The following XPO4 variants were observed in gnomAD, a reference collection of about 807,000 sequenced individuals.
XPO4 encodes exportin-4.
Under a neutral mutation model 143.0 loss-of-function variants are expected in XPO4, and 39 were observed. The observed-to-expected ratio is 0.27, with a 90% CI of 0.21 to 0.36. XPO4 has a LOEUF of 0.36. Ranked by LOEUF, XPO4 falls within the 10% of genes least tolerant of loss-of-function variation. XPO4 has a pLI of 1.00. For synonymous variants in XPO4, 439 were observed against 474.0 expected, an observed-to-expected ratio of 0.93 and a Z score of 0.96; for missense variants, 907 against 1,348.0, an observed-to-expected ratio of 0.67 and a Z score of 5.12.
chr13:20,802,586 C>A (rs960806014), intron 13 of XPO4, among the ~76,000 whole-genome samples: 3 of 152,266 alleles, frequency 2.0e-5, no homozygotes, highest in Admixed American at 6.5e-5. Context: ...GTTACATTAA[C>A]ACTTTAAATT....
chr13:20,886,180 C>G (rs1024666577), intron 1 of XPO4, among the ~76,000 whole-genome samples: 36 of 152,150 alleles, frequency 2.4e-4, no homozygotes, highest in African/African-American at 8.0e-4. Context: ...AAGGCATATC[C>G]AAACAAATTT....
chr13:20,829,355 T>G (rs2059824471), intron 6 of XPO4, among the ~76,000 whole-genome samples: 1 of 152,208 alleles, frequency 6.6e-6, no homozygotes, highest in Admixed American at 6.5e-5. Flanking sequence ...ACAAATGAAA[T>G]ATAACTAGGA....
chr13:20,856,253 T>C (rs2060142653), intron 3 of XPO4: 1 of 842,538 alleles, frequency 1.2e-6, no homozygotes, highest in South Asian at 5.4e-5. Context: ...CATTTCCCTT[T>C]AATGTGAAAA....
chr13:20,816,544 T>C (rs2059653436), intron 9 of XPO4, among the ~76,000 whole-genome samples: 1 of 152,220 alleles, frequency 6.6e-6, no homozygotes, highest in South Asian at 2.1e-4. Flanking sequence ...GAGAAATGGA[T>C]TTAGTAGACA....
intron 1 of XPO4, among the ~76,000 whole-genome samples, chr13:20,881,272 T>TA (rs2138158212): frequency 6.6e-6 from 1 of 152,014 alleles, no homozygotes; most frequent in East Asian, 1.9e-4. Context: ...AATTTTACAA[T>TA]AATTTTTTTT....
chr13:20,789,784 A>G (rs1020721760), intron 19 of XPO4, among the ~76,000 whole-genome samples: 8 of 151,956 alleles, frequency 5.3e-5, no homozygotes, highest in Admixed American at 5.2e-4. Flanking sequence ...ATGCATGCAC[A>G]TGTGCACATA....
rs2141465103 is a variant in XPO4 at position 20,783,318 on chromosome 13, GATTTTGAGAAACACTGCCTAGC to G, written c.*382_*403del. 5.3e-6 allele frequency: 1 copy of G among 188,434 alleles called. No individual in the cohort carries two copies. The highest frequency in any genetic ancestry group is 2.4e-5 in the African/African-American group (1 of 42,018). 11.7% of individuals were successfully genotyped at this position (188,434 alleles called of 1,614,324 possible). On this transcript the variant is annotated 3_prime_UTR_variant, in exon 23 of 23. Transcript: ENST00000255305. ...TCAAGTGATGCAGGCGATCTATGGA[GATTTTGAGAAACACTGCCTAGC>G]ATATATCCATTTCATATTTAATGAC...
rs1428740979 is a variant in XPO4 at position 20,891,121 on chromosome 13, TTAAA to T, written c.69+11545_69+11548del. 9.8e-4 allele frequency among the ~76,000 whole-genome samples: 84 copies of T among 86,030 alleles called. 2 individuals are homozygous for T. Among genetic ancestry groups the T allele is most frequent in the African/African-American group, 3.8e-3 (81 of 21,090 alleles). 56.4% of individuals were successfully genotyped at this position (86,030 alleles called of 152,430 possible). On this transcript the variant is annotated intron_variant, in intron 1 of 22. Coordinates refer to ENST00000255305, the MANE Select transcript of XPO4 (RefSeq NM_022459.5). Reference sequence around the variant, plus strand: ...AACAAGAGCAAAACTCCATCTCAATTTAAAAAAAAAAAAAAAAAAAAAAAAAAAA... The same window carrying T: ...AACAAGAGCAAAACTCCATCTCAATTAAAAAAAAAAAAAAAAAAAAAAAAA...
At chr13:20,881,512 C>T (rs2060409844) in intron 1 of XPO4, among the ~76,000 whole-genome samples, 3 of 152,122 alleles carry the variant, frequency 2.0e-5, no homozygotes, top group South Asian at 2.1e-4. Context: ...CCTCATGATC[C>T]CCCCGCCTCA....
chr13:20,808,092 AT>A (rs2059530721), intron 12 of XPO4, among the ~76,000 whole-genome samples: 1 of 152,200 alleles, frequency 6.6e-6, no homozygotes, highest in African/African-American at 2.4e-5. Flanking sequence ...CTAAAAATTA[AT>A]AGCAGTGTGA....
At chr13:20,880,038 C>T (rs187892943) in intron 1 of XPO4, among the ~76,000 whole-genome samples, 34 of 152,312 alleles carry the variant, frequency 2.2e-4, no homozygotes, top group African/African-American at 7.5e-4. Flanking sequence ...TCCATGAGAA[C>T]AGACATATTA....
chr13:20,870,055 G>A lies in XPO4; in HGVS notation c.70-1354C>T, dbSNP rs189148249. Among the ~76,000 whole-genome samples, 432 of 137,688 alleles carry A rather than the reference G, an allele frequency of 3.1e-3. 1 individual carries two copies. Among genetic ancestry groups the A allele is most frequent in the African/African-American group, 0.011 (418 of 36,558 alleles). 90.3% of individuals were successfully genotyped at this position (137,688 alleles called of 152,430 possible). On this transcript the variant is annotated intron_variant, in intron 1 of 22. Coordinates refer to ENST00000255305, the MANE Select transcript of XPO4 (RefSeq NM_022459.5). ...GCAGAGGTTGCAGTGAGCTGATATG[G>A]CGCCACTGCACTCTAGCCTGGGTGA...
chr13:20,790,824 T>C (rs2059270066), intron 18 of XPO4, among the ~76,000 whole-genome samples: 1 of 152,146 alleles, frequency 6.6e-6, no homozygotes, highest in Non-Finnish European at 1.5e-5. Flanking sequence ...TATTAGGGGA[T>C]ATGAGTACTT....
intron 1 of XPO4, among the ~76,000 whole-genome samples, chr13:20,889,827 T>C (rs1190949665): frequency 6.6e-6 from 1 of 152,142 alleles, no homozygotes; most frequent in Non-Finnish European, 1.5e-5. Flanking sequence ...AGTTCGTAAG[T>C]GGGCAAATGC....
At chr13:20,828,145 G>A (rs2059807953) in intron 6 of XPO4, among the ~76,000 whole-genome samples, 2 of 152,106 alleles carry the variant, frequency 1.3e-5, no homozygotes, top group South Asian at 4.1e-4. Context: ...GCTGAGGCGG[G>A]AGAGTCGCTT....
Position 20,843,903 on chromosome 13 carries a change from A to G in XPO4, c.457-17T>C, listed in dbSNP as rs1458528871. On this transcript the variant is annotated splice_polypyrimidine_tract_variant and intron_variant, in intron 4 of 22. Transcript: ENST00000255305. ...CAGAGTTTGCTGTAATTATTTGATA[A>G]GAAATAATTGTGAGGCATTACTGTT... 6.4e-7 allele frequency: 1 copy of G among 1,568,818 alleles called. No individual in the cohort carries two copies. The highest frequency in any genetic ancestry group is 1.1e-5 in the South Asian group (1 of 89,856).
At chr13:20,834,480 A>T (rs1280254122) in intron 6 of XPO4, among the ~76,000 whole-genome samples, 1 of 151,830 alleles carries the variant, frequency 6.6e-6, no homozygotes, top group African/African-American at 2.4e-5. Flanking sequence ...GCTGAAGTTG[A>T]GAGGATAGCT....
At chr13:20,864,303 T>A (rs1428110746) in intron 2 of XPO4, among the ~76,000 whole-genome samples, 1 of 152,126 alleles carries the variant, frequency 6.6e-6, no homozygotes, top group African/African-American at 2.4e-5. Flanking sequence ...ATAAAGGTAA[T>A]TCAAATAATC....
At position 20,780,726 on chromosome 13, in the gene XPO4, G is replaced by A. The variant is rs2059132877; in HGVS notation, c.*2996C>T. On this transcript the variant is annotated 3_prime_UTR_variant, in exon 23 of 23. Coordinates refer to ENST00000255305, the MANE Select transcript of XPO4 (RefSeq NM_022459.5). ...ACACCAGACAAAAACTCAATGCAGT[G>A]ATGTTAACATGCTACTGTCTTCTAA... 6.6e-6 allele frequency: 1 copy of A among 152,322 alleles called. No individual in the cohort carries two copies. Among genetic ancestry groups the A allele is most frequent in the East Asian group, 1.9e-4 (1 of 5,182 alleles). 9.4% of individuals were successfully genotyped at this position (152,322 alleles called of 1,614,324 possible). A position where few individuals can be genotyped will look rare whatever the true frequency, so the allele number is the denominator to read the frequency against.
Sources: allele counts gnomAD v4.1 joint callset (sites outside exome capture counted in the v4.1 genomes callset), GRCh38; gene constraint gnomAD v4.1.1; transcripts MANE v1.5; gene names NCBI Gene and HGNC (gene_info 2026-07-23, HGNC 2026-07-21).